SOX6: variants seen among roughly 807,000 people sequenced by gnomAD.
SOX6 encodes the protein SRY-box transcription factor 6, also known as transcription factor SOX-6.
A neutral mutation model predicts 97.8 loss-of-function variants in SOX6; 11 were observed. The observed-to-expected ratio is 0.11, with a 90% CI of 0.07 to 0.19. SOX6 has a LOEUF of 0.19. Ranked by LOEUF, SOX6 falls within the 10% of genes least tolerant of loss-of-function variation. The pLI, the probability that SOX6 is intolerant of heterozygous loss-of-function variation, is 1.00. For missense variants in SOX6, 810 were observed against 1,039.5 expected, an observed-to-expected ratio of 0.78 and a Z score of 3.04; for synonymous variants, 360 against 371.4, an observed-to-expected ratio of 0.97 and a Z score of 0.35.
At chr11:16,056,425 C>T (rs1416449039) in intron 9 of SOX6, among the ~76,000 whole-genome samples, 1 of 152,102 alleles carries the variant, frequency 6.6e-6, no homozygotes, top group Non-Finnish European at 1.5e-5. Flanking sequence ...GCCACTAAGG[C>T]CTAGTGGCAG....
chr11:16,041,868 CT>C (rs1590152592), intron 12 of SOX6, among the ~76,000 whole-genome samples: 1 of 152,084 alleles, frequency 6.6e-6, no homozygotes, highest in Admixed American at 6.6e-5. Flanking sequence ...TCTAACTAGC[CT>C]TTTTTTCTCT....
At chr11:16,333,174 A>T (rs1856359245) in intron 2 of SOX6, among the ~76,000 whole-genome samples, 1 of 152,184 alleles carries the variant, frequency 6.6e-6, no homozygotes, top group South Asian at 2.1e-4. Flanking sequence ...GTGTGCAGAC[A>T]CAATCCTGGG....
At chr11:16,598,460 A>C (rs1456076605) in intron 4 of SOX6, among the ~76,000 whole-genome samples, 1 of 152,046 alleles carries the variant, frequency 6.6e-6, no homozygotes, top group Non-Finnish European at 1.5e-5. Flanking sequence ...AACCACACCT[A>C]AGTTTCTCCA....
At chr11:16,197,939 A>C (rs1052703241) in intron 4 of SOX6, among the ~76,000 whole-genome samples, 5 of 152,226 alleles carry the variant, frequency 3.3e-5, no homozygotes, top group African/African-American at 1.2e-4. Context: ...TCAACCTATA[A>C]AAAATAATTT....
chr11:16,070,968 T>G (rs1848209947), intron 9 of SOX6, among the ~76,000 whole-genome samples: 1 of 152,214 alleles, frequency 6.6e-6, no homozygotes, highest in South Asian at 2.1e-4. Context: ...ACCAGCACCA[T>G]AGCTCCAACA....
At chr11:16,372,468 A>G (rs1210328145) in intron 1 of SOX6, among the ~76,000 whole-genome samples, 1 of 152,080 alleles carries the variant, frequency 6.6e-6, no homozygotes, top group Non-Finnish European at 1.5e-5. Flanking sequence ...CAACTAATCA[A>G]GGTTGTTAGA....
chr11:16,274,204 C>T (rs1402879073), intron 3 of SOX6, among the ~76,000 whole-genome samples: 1 of 152,052 alleles, frequency 6.6e-6, no homozygotes, highest in Non-Finnish European at 1.5e-5. Flanking sequence ...CAAATATTAT[C>T]CCTAATGCTA....
At chr11:16,402,823 A>G (rs531833127) in intron 1 of SOX6, 1 of 1,555,522 alleles carries the variant, frequency 6.4e-7, no homozygotes, top group Non-Finnish European at 8.7e-7. Flanking sequence ...GAAGCTCACC[A>G]TGACCTTTCA....
In SOX6 at chr11:15,967,525, T is replaced by C. The variant is rs1361741624; in HGVS notation, c.*5284A>G. 6.6e-6 allele frequency: 1 copy of C among 152,202 alleles called. No homozygotes were observed. Among genetic ancestry groups the C allele is most frequent in the African/African-American group, 2.4e-5 (1 of 41,448 alleles). 9.4% of individuals were successfully genotyped at this position (152,202 alleles called of 1,614,324 possible). On this transcript the variant is annotated 3_prime_UTR_variant, in exon 16 of 16. Coordinates refer to ENST00000683767, the MANE Select transcript of SOX6 (RefSeq NM_001367873.1). ...CAGCTTATAAGCTTGTCTAAGGTAA[T>C]AAAAATTTTACATGGCAAATACAAT...
chr11:16,543,919 A>G (rs1408493203), intron 4 of SOX6, among the ~76,000 whole-genome samples: 1 of 152,218 alleles, frequency 6.6e-6, no homozygotes, highest in African/African-American at 2.4e-5. Context: ...AACCATAAAC[A>G]TATATACAAA....
chr11:16,714,407 T>C (rs1482824291), intron 3 of SOX6, among the ~76,000 whole-genome samples: 2 of 151,910 alleles, frequency 1.3e-5, no homozygotes. Context: ...ATACCTTTGT[T>C]ATTTACCTAC....
chr11:16,604,770 A>T (rs1452040461), intron 4 of SOX6, among the ~76,000 whole-genome samples: 23 of 152,230 alleles, frequency 1.5e-4, no homozygotes, highest in Admixed American at 1.5e-3. Flanking sequence ...GGCTGCATTC[A>T]ATATCTGACA....
At chr11:16,337,939 G>T (rs1371544442) in intron 2 of SOX6, among the ~76,000 whole-genome samples, 1 of 151,906 alleles carries the variant, frequency 6.6e-6, no homozygotes, top group Non-Finnish European at 1.5e-5. Flanking sequence ...TTCTAATCAG[G>T]AAGTGGGAAT....
At chr11:16,591,763 C>T (rs1173275021) in intron 4 of SOX6, among the ~76,000 whole-genome samples, 1 of 152,082 alleles carries the variant, frequency 6.6e-6, no homozygotes, top group Non-Finnish European at 1.5e-5. Context: ...AAGACAGAGG[C>T]TACAAGCCAA....
chr11:16,719,955 A>G (rs1369873570), intron 2 of SOX6, among the ~76,000 whole-genome samples: 1 of 152,202 alleles, frequency 6.6e-6, no homozygotes, highest in Non-Finnish European at 1.5e-5. Context: ...ATCAGTTTAA[A>G]TCATGGAACA....
At chr11:16,462,918 C>A (rs1859959812) in intron 1 of SOX6, among the ~76,000 whole-genome samples, 1 of 152,068 alleles carries the variant, frequency 6.6e-6, no homozygotes, top group Non-Finnish European at 1.5e-5. Context: ...AAATCAAGAC[C>A]CTGGAATCTG....
intron 4 of SOX6, among the ~76,000 whole-genome samples, chr11:16,557,371 A>C (rs1258398219): frequency 6.6e-6 from 1 of 151,832 alleles, no homozygotes; most frequent in Non-Finnish European, 1.5e-5. Context: ...CCCTCTAGAA[A>C]ATGTACTCCA....
chr11:16,582,664 GAAGAA>G (rs1196765544), intron 4 of SOX6, among the ~76,000 whole-genome samples: 3 of 151,774 alleles, frequency 2.0e-5, no homozygotes, highest in Non-Finnish European at 4.4e-5. Flanking sequence ...ATACAAAAAA[GAAGAA>G]AAGAAAACAA....
At chr11:16,706,500 A>AG in intron 3 of SOX6, among the ~76,000 whole-genome samples, 1 of 81,560 alleles carries the variant, frequency 1.2e-5, no homozygotes, top group African/African-American at 5.0e-5. Context: ...ATATATATAT[A>AG]TATATATATA....
Sources: allele counts gnomAD v4.1 joint callset (sites outside exome capture counted in the v4.1 genomes callset), GRCh38; gene constraint gnomAD v4.1.1; transcripts MANE v1.5; gene names NCBI Gene and HGNC (gene_info 2026-07-23, HGNC 2026-07-21).